KMT2C: variants seen among roughly 807,000 people sequenced by gnomAD.
KMT2C encodes the protein histone-lysine N-methyltransferase 2C.
A neutral mutation model predicts 507.9 loss-of-function variants in KMT2C; 88 were observed. That is an observed-to-expected ratio of 0.17 (90% CI 0.15 to 0.21). The LOEUF (loss-of-function observed/expected upper bound fraction) is 0.21, where lower values mean the gene tolerates loss of function less well. KMT2C is among the 10% of genes least tolerant of loss of function. The pLI, the probability that KMT2C is intolerant of heterozygous loss-of-function variation, is 1.00. For missense variants in KMT2C, 4,954 were observed against 5,957.8 expected, an observed-to-expected ratio of 0.83 and a Z score of 5.55; for synonymous variants, 2,049 against 2,080.8, an observed-to-expected ratio of 0.98 and a Z score of 0.42.
intron 6 of KMT2C, among the ~76,000 whole-genome samples, chr7:152,280,070 C>T: frequency 6.6e-6 from 1 of 152,304 alleles, no homozygotes. Context: ...TTTGCCTAAT[C>T]TAATCAAATA....
intron 6 of KMT2C, among the ~76,000 whole-genome samples, chr7:152,277,271 T>G (rs1212542564): frequency 6.6e-6 from 1 of 152,178 alleles, no homozygotes; most frequent in Non-Finnish European, 1.5e-5. Flanking sequence ...CTTTTTTTAG[T>G]ATTAGGCAAC....
At chr7:152,182,756 T>C (rs2093475216) in intron 35 of KMT2C, among the ~76,000 whole-genome samples, 162 bp from the exon 36 acceptor site, 1 of 152,218 alleles carries the variant, frequency 6.6e-6, no homozygotes, top group African/African-American at 2.4e-5. Flanking sequence ...TTACTCATCA[T>C]GGTATGTTCC....
At chr7:152,335,460 T>C (rs2096925441) in intron 2 of KMT2C, among the ~76,000 whole-genome samples, 3 of 152,146 alleles carry the variant, frequency 2.0e-5, no homozygotes. Context: ...ATGAGCCAAA[T>C]GGCCCAGGGT....
rs1208910877 is a variant in KMT2C at position 152,255,146 on chromosome 7, CAT to C, written c.1300-2433_1300-2432del. On this transcript the variant is annotated intron_variant, in intron 9 of 58. Transcript: ENST00000262189. ...ATATATATATATATATATATATATA[CAT>C]ATATATATATGTGTGTGTGTGTGTG... Among the ~76,000 whole-genome samples the C allele has an allele frequency of 5.9e-4, 38 of 63,986 alleles. 1 individual carries two copies. The highest frequency in any genetic ancestry group is 3.5e-3 in the South Asian group (7 of 1,984). The allele number at this position is 63,986 out of a possible 152,430, so 42.0% of individuals were successfully genotyped here. A position where few individuals can be genotyped will look rare whatever the true frequency, so the allele number is the denominator to read the frequency against.
At chr7:152,244,527 T>A (rs1478342264) in intron 14 of KMT2C, among the ~76,000 whole-genome samples, 4 of 152,022 alleles carry the variant, frequency 2.6e-5, no homozygotes, top group African/African-American at 9.7e-5. Context: ...TATAAAAAAA[T>A]AAAAAATATT....
At position 152,156,077 on chromosome 7, in the gene KMT2C, A is replaced by G. The variant is rs2092025581; in HGVS notation, c.11813-20T>C. On this transcript the variant is annotated intron_variant, in intron 45 of 58. Coordinates refer to ENST00000262189, the MANE Select transcript of KMT2C (RefSeq NM_170606.3). The stretch of plus-strand genomic sequence containing the variant: ...TGGTAACTGGAAAAGCAAAAACACA[A>G]AACCATAAATACATTCAGTCAATAT... 6.3e-7 allele frequency: 1 copy of G among 1,596,202 alleles called. No individual in the cohort carries two copies. Among genetic ancestry groups the G allele is most frequent in the Non-Finnish European group, 8.5e-7 (1 of 1,173,284 alleles).
chr7:152,375,745 C>T (rs1398174013), intron 1 of KMT2C, among the ~76,000 whole-genome samples: 1 of 151,996 alleles, frequency 6.6e-6, no homozygotes, highest in Admixed American at 6.6e-5. Flanking sequence ...CTCTGTGTTA[C>T]GTTTTAGTAA....
At chr7:152,240,652 C>T (rs1313823840) in intron 14 of KMT2C, among the ~76,000 whole-genome samples, 1 of 152,296 alleles carries the variant, frequency 6.6e-6, no homozygotes. Flanking sequence ...CCGGTTTCAT[C>T]CCAGTCTTCC....
Position 152,226,156 on chromosome 7 carries a change from T to A in KMT2C, c.2977-1540A>T, listed in dbSNP as rs576385261. Among the ~76,000 whole-genome samples, 1,219 of 146,712 alleles carry A rather than the reference T, an allele frequency of 8.3e-3. 18 individuals carry two copies. Among genetic ancestry groups the A allele is most frequent in the African/African-American group, 0.029 (1,175 of 40,288 alleles). On this transcript the variant is annotated intron_variant, in intron 18 of 58. Coordinates refer to ENST00000262189, the MANE Select transcript of KMT2C (RefSeq NM_170606.3). The stretch of plus-strand genomic sequence containing the variant: ...ACAAGAAAAAAAGACCTGAAAAGAT[T>A]AAAAGCGACTGCCTCAGACGTGGAG...
intron 6 of KMT2C, among the ~76,000 whole-genome samples, chr7:152,301,803 T>A (rs1160887689): frequency 6.6e-6 from 1 of 152,204 alleles, no homozygotes; most frequent in East Asian, 1.9e-4. Flanking sequence ...CAGTATTAAA[T>A]AACATTATTT....
At chr7:152,368,604 A>C in intron 1 of KMT2C, 1 of 1,432,222 alleles carries the variant, frequency 7.0e-7, no homozygotes, top group Non-Finnish European at 9.7e-7. Context: ...AACATATTTT[A>C]GAACAGAACT....
intron 1 of KMT2C, among the ~76,000 whole-genome samples, chr7:152,380,511 TG>T (rs1293330505): frequency 2.0e-5 from 3 of 149,630 alleles, no homozygotes; most frequent in African/African-American, 7.4e-5. Context: ...GAGGTTGCAG[TG>T]AGCCGAGATC....
chr7:152,206,921 CA>C (rs1240395599), intron 24 of KMT2C, among the ~76,000 whole-genome samples: 2 of 151,508 alleles, frequency 1.3e-5, no homozygotes, highest in African/African-American at 4.8e-5. Flanking sequence ...TAAGTTTTTT[CA>C]AAAAAAGATA....
chr7:152,342,985 G>A (rs555194786), intron 2 of KMT2C, among the ~76,000 whole-genome samples: 20 of 152,204 alleles, frequency 1.3e-4, no homozygotes, highest in African/African-American at 4.6e-4. Flanking sequence ...GGGAGGAAGA[G>A]TAAAAAATTC....
chr7:152,216,567 A>C (rs1588293054), intron 23 of KMT2C, among the ~76,000 whole-genome samples: 1 of 152,214 alleles, frequency 6.6e-6, no homozygotes, highest in South Asian at 2.1e-4. Context: ...GTCTCTCCCT[A>C]ATGTATTGTA....
At chr7:152,167,673 T>A (rs1000578332) in intron 41 of KMT2C, among the ~76,000 whole-genome samples, 4 of 152,202 alleles carry the variant, frequency 2.6e-5, no homozygotes, top group Admixed American at 6.5e-5. Flanking sequence ...TCTTTTTTTT[T>A]ACTAAACAAA....
intron 1 of KMT2C, chr7:152,367,883 GT>G (rs2097260191): frequency 9.3e-7 from 1 of 1,073,090 alleles, no homozygotes; most frequent in African/African-American, 1.6e-5. Context: ...TGGATATTGA[GT>G]TTATGAAGCG....
intron 7 of KMT2C, among the ~76,000 whole-genome samples, chr7:152,271,153 A>G (rs1376724799): frequency 6.6e-6 from 1 of 152,228 alleles, no homozygotes; most frequent in Non-Finnish European, 1.5e-5. Flanking sequence ...TTTAACCCTC[A>G]TAATAACACT....
intron 6 of KMT2C, among the ~76,000 whole-genome samples, chr7:152,301,839 T>C (rs1249373572): frequency 6.6e-6 from 1 of 152,194 alleles, no homozygotes; most frequent in Non-Finnish European, 1.5e-5. Flanking sequence ...GCAAATTACC[T>C]TACGTAAAGA....
Sources: gnomAD v4.1 joint callset for allele counts (sites outside exome capture counted in the v4.1 genomes callset) on GRCh38, gnomAD v4.1.1 for gene constraint, MANE v1.5 for transcripts, NCBI Gene and HGNC (gene_info 2026-07-23, HGNC 2026-07-21) for gene names.